Variants in FMN1 observed in about 807,000 individuals in gnomAD.
FMN1 encodes formin 1.
Under a neutral mutation model 132.4 loss-of-function variants are expected in FMN1, and 110 were observed. The observed-to-expected ratio is 0.83, with a 90% CI of 0.71 to 0.97. The LOEUF is 0.97. Among genes scored for constraint, FMN1 ranks in the 50% least tolerant of loss-of-function variants. FMN1 has a pLI of 0.00. For synonymous variants in FMN1, 722 were observed against 651.7 expected, an observed-to-expected ratio of 1.11 and a Z score of -1.64; for missense variants, 1,792 against 1,705.3, an observed-to-expected ratio of 1.05 and a Z score of -0.90.
rs201778531 is a variant in FMN1 at position 32,904,244 on chromosome 15, C to T, written c.3378-2204G>A. Among the ~76,000 whole-genome samples the T allele has an allele frequency of 1.5e-4, 23 of 151,970 alleles. No homozygotes were observed. In the South Asian group the frequency reaches 2.3e-3, roughly 15 times the overall value. ...GGGGAACATTGTCAGCTAGGGTCCC[C>T]GGAGCCCTGTGATGCTCACGCACAA... On this transcript the variant is annotated intron_variant, in intron 12 of 20. Coordinates refer to ENST00000616417, the MANE Select transcript of FMN1 (RefSeq NM_001277313.2).
chr15:33,000,015 T>A (rs1438954237), intron 7 of FMN1, among the ~76,000 whole-genome samples: 1 of 152,150 alleles, frequency 6.6e-6, no homozygotes, highest in African/African-American at 2.4e-5. Flanking sequence ...GTGACACATC[T>A]GAGAAGACAC....
At chr15:32,977,416 A>C (rs1450617298) in intron 7 of FMN1, among the ~76,000 whole-genome samples, 1 of 152,212 alleles carries the variant, frequency 6.6e-6, no homozygotes, top group Non-Finnish European at 1.5e-5. Flanking sequence ...ATCCTCCTGA[A>C]AAAGATATGG....
At chr15:32,801,624 AAAAC>A (rs201130479) in intron 18 of FMN1, among the ~76,000 whole-genome samples, 8,540 of 152,044 alleles carry the variant, frequency 0.056, 777 homozygotes, top group African/African-American at 0.19. Flanking sequence ...CAAAAAAACA[AAAAC>A]AAACAAACAA....
intron 6 of FMN1, among the ~76,000 whole-genome samples, chr15:33,030,123 A>T (rs558613730): frequency 1.3e-5 from 2 of 152,224 alleles, no homozygotes; most frequent in East Asian, 1.9e-4. Flanking sequence ...GCACCACTGC[A>T]CTCCAGCCTG....
intron 3 of FMN1, among the ~76,000 whole-genome samples, chr15:33,175,140 C>T (rs1166075035): frequency 6.6e-6 from 1 of 152,130 alleles, no homozygotes; most frequent in Non-Finnish European, 1.5e-5. Flanking sequence ...ATCCTCCCAC[C>T]TCAGGCTCCC....
chr15:33,000,145 A>C (rs1048901690), intron 7 of FMN1, among the ~76,000 whole-genome samples: 1 of 152,306 alleles, frequency 6.6e-6, no homozygotes. Context: ...CGAGTAACTA[A>C]AAGGTTAAAA....
chr15:32,796,410 T>C (rs1417839496), intron 19 of FMN1, among the ~76,000 whole-genome samples: 1 of 152,244 alleles, frequency 6.6e-6, no homozygotes, highest in East Asian at 1.9e-4. Context: ...AACTAGTTTT[T>C]TTCTTTATAA....
intron 6 of FMN1, among the ~76,000 whole-genome samples, chr15:33,014,393 A>G (rs1291026029): frequency 1.3e-5 from 2 of 152,202 alleles, no homozygotes; most frequent in Non-Finnish European, 2.9e-5. Context: ...TGACCCTAGC[A>G]TTGGTATTCA....
chr15:33,090,534 AAAATG>A (rs1463975393), intron 4 of FMN1, among the ~76,000 whole-genome samples: 1 of 152,050 alleles, frequency 6.6e-6, no homozygotes, highest in Non-Finnish European at 1.5e-5. Flanking sequence ...ACCACTGAGA[AAAATG>A]AGAGTCCAGG....
chr15:33,165,752 G>A (rs958067812), intron 3 of FMN1, among the ~76,000 whole-genome samples: 1 of 152,074 alleles, frequency 6.6e-6, no homozygotes, highest in African/African-American at 2.4e-5. Flanking sequence ...ATAGAGGATT[G>A]AGGATGCAGG....
chr15:33,147,910 T>C (rs2140269306), intron 4 of FMN1, among the ~76,000 whole-genome samples: 1 of 152,288 alleles, frequency 6.6e-6, no homozygotes, highest in South Asian at 2.1e-4. Context: ...CTGTTAAATT[T>C]TAAGAGCTTT....
intron 9 of FMN1, among the ~76,000 whole-genome samples, chr15:32,953,840 T>C (rs891921275): frequency 2.6e-5 from 4 of 152,290 alleles, no homozygotes; most frequent in South Asian, 2.1e-4. Context: ...GGTGGGAACA[T>C]TGTGGTTTGA....
intron 3 of FMN1, among the ~76,000 whole-genome samples, chr15:33,170,673 A>C (rs1965286578): frequency 6.6e-6 from 1 of 152,176 alleles, no homozygotes; most frequent in South Asian, 2.1e-4. Flanking sequence ...GGGAAATGCA[A>C]ATCAAAACCA....
intron 4 of FMN1, among the ~76,000 whole-genome samples, chr15:33,135,472 C>A (rs34945107): frequency 0.036 from 5,479 of 152,310 alleles, 156 homozygotes; most frequent in Middle Eastern, 0.058. Flanking sequence ...AATGTCTGCT[C>A]TGTCAGTCTG....
intron 16 of FMN1, among the ~76,000 whole-genome samples, chr15:32,861,545 A>C (rs1332531530): frequency 6.6e-6 from 1 of 152,232 alleles, no homozygotes; most frequent in African/African-American, 2.4e-5. Context: ...ATTTAAGATA[A>C]TACATACATA....
rs569071557 is a variant in FMN1, at chr15:33,110,813, A to C, written c.1868-21839T>G. On this transcript the variant is annotated intron_variant, in intron 4 of 20. Transcript: ENST00000616417. The stretch of plus-strand genomic sequence containing the variant: ...CTGTTATTAAAACAAAAATAAGAAC[A>C]ACTTGTCAGTATTTTTAGTCCATTA... Among the ~76,000 whole-genome samples, 4 of 152,230 alleles carry C rather than the reference A, an allele frequency of 2.6e-5. No homozygotes were observed. The East Asian group carries it at 7.7e-4, about 29-fold the overall frequency.
intron 19 of FMN1, among the ~76,000 whole-genome samples, chr15:32,778,470 C>T (rs1256727874): frequency 6.6e-6 from 1 of 151,502 alleles, no homozygotes; most frequent in Non-Finnish European, 1.5e-5. Flanking sequence ...CAAATTATAC[C>T]CCCTCCTCTA....
At chr15:33,024,222 G>GTTTT (rs2035558637) in intron 6 of FMN1, among the ~76,000 whole-genome samples, 1 of 98,176 alleles carries the variant, frequency 1.0e-5, no homozygotes, top group Non-Finnish European at 2.1e-5. Flanking sequence ...ACACCTATCA[G>GTTTT]ATTTTTTTTT....
At position 33,056,238 on chromosome 15, in the gene FMN1, G is replaced by A. The variant is rs1244753453; in HGVS notation, c.2161+8719C>T. The stretch of plus-strand genomic sequence containing the variant: ...AATGTCTCCCTGTATTTACCAAAAG[G>A]CATGTCCAAGGGTGTTCAGAGTAAT... On this transcript the variant is annotated intron_variant, in intron 6 of 20. Transcript: ENST00000616417. Among the ~76,000 whole-genome samples, 7 of 152,230 alleles carry A rather than the reference G, an allele frequency of 4.6e-5. No homozygotes were observed. In the South Asian group the frequency reaches 1.5e-3, roughly 32 times the overall value.
Sources: gnomAD v4.1 joint callset for allele counts (sites outside exome capture counted in the v4.1 genomes callset) on GRCh38, gnomAD v4.1.1 for gene constraint, MANE v1.5 for transcripts, NCBI Gene and HGNC (gene_info 2026-07-23, HGNC 2026-07-21) for gene names.